YEATS2: variants seen among roughly 807,000 people sequenced by gnomAD.
YEATS2 encodes the protein YEATS domain containing 2, also known as YEATS domain-containing protein 2.
In YEATS2, 77 loss-of-function variants were observed where a neutral mutation model predicts 163.2. The ratio of observed to expected loss-of-function variants is 0.47; its 90% confidence interval spans 0.39 to 0.57. YEATS2 has a LOEUF of 0.57. YEATS2 is among the 20% of genes least tolerant of loss of function. YEATS2 has a pLI of 0.00. For missense variants in YEATS2, 1,549 were observed against 1,729.8 expected (o/e 0.90, Z 1.85); for synonymous variants, 631 against 645.1 (o/e 0.98, Z 0.33).
chr3:183,733,928 G>A (rs1464047836), intron 7 of YEATS2, among the ~76,000 whole-genome samples: 2 of 152,108 alleles, frequency 1.3e-5, no homozygotes, highest in African/African-American at 2.4e-5. Context: ...AGATGAGCAC[G>A]GGGCCTTGGC....
chr3:183,716,023 G>A (rs1031445423), intron 2 of YEATS2, among the ~76,000 whole-genome samples: 44 of 152,030 alleles, frequency 2.9e-4, no homozygotes, highest in Non-Finnish European at 5.3e-4. Context: ...GCAGTGGCGT[G>A]ATCTCGGCTC....
intron 12 of YEATS2, among the ~76,000 whole-genome samples, chr3:183,758,610 T>C (rs1721012959): frequency 6.6e-6 from 1 of 152,114 alleles, no homozygotes; most frequent in South Asian, 2.1e-4. Context: ...CTAAAACAAG[T>C]GACTTTACTA....
intron 8 of YEATS2, 119 bp downstream of exon 8, chr3:183,736,948 C>G: frequency 1.3e-6 from 1 of 783,568 alleles, no homozygotes; most frequent in East Asian, 2.7e-5. Flanking sequence ...ATACAACTTT[C>G]GACTCCCCCA....
At position 183,790,802 on chromosome 3, in the gene YEATS2, A is replaced by G. The variant is rs79808533; in HGVS notation, c.2919A>G (p.Glu973=). 15,403 of 1,613,662 alleles carry G rather than the reference A, an allele frequency of 9.5e-3. 601 individuals are homozygous for G. In the East Asian group the frequency reaches 0.14, roughly 14 times the overall value. ...LSANGPAQQS[E]GMAPVSSSTV... ...CGGACCCCATGGGTGAGCAGTCTGA[A>G]GGAATGGCTCCCGTGTCTTCATCTA... The change falls in exon 21 of 31, where the codon GAA becomes GAG. Residue 973 remains glutamate, a synonymous_variant. Transcript: ENST00000305135.
At chr3:183,796,800 AT>A (rs1165370365) in intron 21 of YEATS2, among the ~76,000 whole-genome samples, 1 of 152,150 alleles carries the variant, frequency 6.6e-6, no homozygotes, top group East Asian at 1.9e-4. Flanking sequence ...AAATAAATAA[AT>A]TGTCATAGAA....
At position 183,811,879 on chromosome 3, in the gene YEATS2, C is replaced by CT. The variant is rs1311521441; in HGVS notation, c.*1297dup. On this transcript the variant is annotated 3_prime_UTR_variant, in exon 31 of 31. Transcript: ENST00000305135. ...AACGTAATTCCTGTTTTCATGGGTC[C>CT]TGTAGATGTTTGAGTCAGGAAGGTA... 6.6e-6 allele frequency: 1 copy of CT among 152,212 alleles called. No individual in the cohort carries two copies. The highest frequency in any genetic ancestry group is 1.5e-5 in the Non-Finnish European group (1 of 68,056). The allele number at this position is 152,212 out of a possible 1,614,324, so 9.4% of individuals were successfully genotyped here.
intron 19 of YEATS2, among the ~76,000 whole-genome samples, chr3:183,781,559 A>G (rs1168599205): frequency 2.6e-5 from 4 of 152,200 alleles, no homozygotes; most frequent in Non-Finnish European, 5.9e-5. Context: ...TTGACATAAA[A>G]TTAACCATCA....
rs201314461 is a variant in YEATS2 at position 183,756,580 on chromosome 3, C to T, written c.1443C>T (p.Ser481=). 3,227 of 1,606,838 alleles carry T rather than the reference C, an allele frequency of 2.0e-3. 6 individuals carry two copies. Among genetic ancestry groups the T allele is most frequent in the Non-Finnish European group, 2.6e-3 (3,012 of 1,176,766 alleles). Residue 481 remains serine, a synonymous_variant, in exon 12 of 31, where the codon TCC becomes TCT. Transcript: ENST00000305135. ...SPSPLPRTPT[S]TPVHVKQGTA... ...CACCATTGCCTCGAACCCCGACTTC[C>T]ACTCCAGTCCACGTGAAGCAAGGCA...
chr3:183,761,352 G>T (rs1218979037), intron 13 of YEATS2, among the ~76,000 whole-genome samples, 155 bp from the exon 14 acceptor site: 3 of 152,198 alleles, frequency 2.0e-5, no homozygotes, highest in Non-Finnish European at 4.4e-5. Context: ...CTCCCAAAGT[G>T]CTGGGAGTAC....
intron 8 of YEATS2, among the ~76,000 whole-genome samples, chr3:183,746,272 T>G (rs2109243671): frequency 6.6e-6 from 1 of 152,276 alleles, no homozygotes; most frequent in Admixed American, 6.5e-5. Flanking sequence ...CAGGCTGGTA[T>G]TAAACTCCTG....
intron 1 of YEATS2, among the ~76,000 whole-genome samples, chr3:183,707,829 C>T (rs1384102864): frequency 6.6e-6 from 1 of 151,766 alleles, no homozygotes; most frequent in Non-Finnish European, 1.5e-5. Flanking sequence ...TGCATGCCAC[C>T]ATGCCCAGCT....
At chr3:183,765,211 T>C (rs1463941403) in intron 15 of YEATS2, among the ~76,000 whole-genome samples, 2 of 152,226 alleles carry the variant, frequency 1.3e-5, no homozygotes, top group African/African-American at 2.4e-5. Flanking sequence ...GCTTGTCGTA[T>C]ATGTACCTCA....
intron 20 of YEATS2, among the ~76,000 whole-genome samples, chr3:183,789,497 T>C (rs1037059933): frequency 4.6e-5 from 7 of 150,828 alleles, no homozygotes; most frequent in Admixed American, 1.3e-4. Flanking sequence ...TTAGCTCTTA[T>C]ATTTAGGTTT....
chr3:183,788,675 G>A (rs567857845), intron 20 of YEATS2, among the ~76,000 whole-genome samples: 2 of 152,340 alleles, frequency 1.3e-5, no homozygotes, highest in Admixed American at 6.5e-5. Flanking sequence ...GCAGTGGGAT[G>A]TGGATCATAT....
chr3:183,737,038 CTT>C (rs1249811604), intron 8 of YEATS2, among the ~76,000 whole-genome samples: 4 of 152,066 alleles, frequency 2.6e-5, no homozygotes, highest in Non-Finnish European at 5.9e-5. Context: ...TATTTTGTAT[CTT>C]ATATATATTA....
At chr3:183,748,163 A>G (rs935890660) in intron 9 of YEATS2, among the ~76,000 whole-genome samples, 1 of 151,702 alleles carries the variant, frequency 6.6e-6, no homozygotes, top group Non-Finnish European at 1.5e-5. Flanking sequence ...CTTACCAGGA[A>G]ACTTGTGGCT....
At chr3:183,804,528 C>CA (rs928855679) in intron 27 of YEATS2, among the ~76,000 whole-genome samples, 1 of 152,234 alleles carries the variant, frequency 6.6e-6, no homozygotes, top group African/African-American at 2.4e-5. Context: ...ACCTTAGGGA[C>CA]ACCCCCCATG....
chr3:183,740,722 A>G (rs529905437), intron 8 of YEATS2, among the ~76,000 whole-genome samples: 2 of 152,360 alleles, frequency 1.3e-5, no homozygotes, highest in East Asian at 3.9e-4. Flanking sequence ...TGAAGCAGCA[A>G]GTGCTGATGG....
intron 11 of YEATS2, 49 bp from the exon 12 acceptor site, chr3:183,756,479 G>A: frequency 6.8e-7 from 1 of 1,469,576 alleles, no homozygotes; most frequent in Non-Finnish European, 9.1e-7. Context: ...CTTCTTACGT[G>A]AGTTGAATAT....
Sources: gnomAD v4.1 joint callset for allele counts (sites outside exome capture counted in the v4.1 genomes callset) on GRCh38, gnomAD v4.1.1 for gene constraint, MANE v1.5 for transcripts, NCBI Gene and HGNC (gene_info 2026-07-23, HGNC 2026-07-21) for gene names.